CRPPA: variants seen among roughly 807,000 people sequenced by gnomAD.
CRPPA encodes the protein D-ribitol-5-phosphate cytidylyltransferase.
CRPPA carries 43 observed loss-of-function variants against 52.0 expected under a neutral mutation model. The observed-to-expected ratio is 0.83, with a 90% CI of 0.65 to 1.07. The LOEUF (loss-of-function observed/expected upper bound fraction) is 1.07. Ranked by LOEUF, CRPPA falls within the 50% of genes least tolerant of loss-of-function variation. The pLI, the probability that CRPPA is intolerant of heterozygous loss-of-function variation, is 0.00. For missense variants in CRPPA, 629 were observed against 551.7 expected (o/e 1.14, Z -1.40); for synonymous variants, 250 against 203.5 (o/e 1.23, Z -1.94).
At chr7:16,302,295 CAAAA>C (rs34666735) in intron 4 of CRPPA, among the ~76,000 whole-genome samples, 4 of 53,372 alleles carry the variant, frequency 7.5e-5, no homozygotes, top group South Asian at 2.4e-3. Flanking sequence ...GACTCTGTCT[CAAAA>C]AAAAAAAAAA....
chr7:16,411,368 G>A (rs1562691264), intron 1 of CRPPA, among the ~76,000 whole-genome samples: 1 of 152,044 alleles, frequency 6.6e-6, no homozygotes, highest in Non-Finnish European at 1.5e-5. Context: ...AAAAATCCAG[G>A]AGAGAAAAAA....
intron 8 of CRPPA, among the ~76,000 whole-genome samples, chr7:16,222,359 G>T (rs1234074366): frequency 6.7e-6 from 1 of 148,546 alleles, no homozygotes; most frequent in South Asian, 2.2e-4. Flanking sequence ...ACGAGTTAGT[G>T]GGTGCAGCGC....
intron 1 of CRPPA, among the ~76,000 whole-genome samples, chr7:16,412,057 T>C (rs2128319418): frequency 6.6e-6 from 1 of 152,334 alleles, no homozygotes; most frequent in East Asian, 1.9e-4. Context: ...CCAATTTTAC[T>C]AGATTGCCTT....
At chr7:16,290,106 G>T (rs1282570454) in intron 5 of CRPPA, among the ~76,000 whole-genome samples, 1 of 151,636 alleles carries the variant, frequency 6.6e-6, no homozygotes, top group South Asian at 2.1e-4. Context: ...GGAGGCAAAG[G>T]CCTCTACAAC....
intron 6 of CRPPA, chr7:16,268,773 T>G (rs1784019865): frequency 6.6e-6 from 1 of 152,192 alleles, no homozygotes. Context: ...TTAAAAATAT[T>G]GCTTATGGCT....
chr7:16,378,793 G>T (rs1364378270), intron 2 of CRPPA, among the ~76,000 whole-genome samples: 1 of 152,014 alleles, frequency 6.6e-6, no homozygotes, highest in Admixed American at 6.6e-5. Flanking sequence ...ACTTTTTAAT[G>T]ATTGCCATTC....
chr7:16,178,900 A>T (rs567125439), intron 9 of CRPPA, among the ~76,000 whole-genome samples: 2 of 152,220 alleles, frequency 1.3e-5, no homozygotes, highest in African/African-American at 4.8e-5. Flanking sequence ...TCATCGCTTC[A>T]GTATCAAACC....
chr7:16,217,700 G>T (rs1444521711), intron 8 of CRPPA, among the ~76,000 whole-genome samples: 1 of 141,814 alleles, frequency 7.1e-6, no homozygotes, highest in Non-Finnish European at 1.5e-5. Flanking sequence ...AGCAATGGAA[G>T]ATGAAATGAA....
intron 2 of CRPPA, among the ~76,000 whole-genome samples, chr7:16,394,566 C>A (rs910226035): frequency 6.6e-6 from 1 of 152,104 alleles, no homozygotes; most frequent in African/African-American, 2.4e-5. Context: ...GTAGTAGACA[C>A]AGAGGTATAC....
intron 9 of CRPPA, among the ~76,000 whole-genome samples, chr7:16,175,117 C>G (rs1781269024): frequency 6.6e-6 from 1 of 152,078 alleles, no homozygotes. Flanking sequence ...TTCTTAGAGG[C>G]AAAGTCTTAA....
chr7:16,118,280 C>T (rs1228246859), intron 9 of CRPPA, among the ~76,000 whole-genome samples: 1 of 152,116 alleles, frequency 6.6e-6, no homozygotes, highest in Non-Finnish European at 1.5e-5. Flanking sequence ...AAGATGGGGC[C>T]GACTTGTGTA....
intron 8 of CRPPA, among the ~76,000 whole-genome samples, chr7:16,249,557 G>T (rs968472045): frequency 1.3e-5 from 2 of 152,204 alleles, no homozygotes; most frequent in Non-Finnish European, 2.9e-5. Context: ...TTGCTGTTCT[G>T]CAGCCTCTGC....
In CRPPA at chr7:16,376,079, C is replaced by T. The variant is rs769816119; in HGVS notation, c.684+13G>A. ...ACATAACAGCAGCTTATTCAAAAAGCCCAAATTCTTACCTGCTGATATGCT... is the reference window on the plus strand; with the variant it reads ...ACATAACAGCAGCTTATTCAAAAAGTCCAAATTCTTACCTGCTGATATGCT... On this transcript the variant is annotated intron_variant, in intron 3 of 9. Transcript: ENST00000407010. The T allele has an allele frequency of 1.3e-6, 2 of 1,555,944 alleles. No homozygotes were observed. Among genetic ancestry groups the T allele is most frequent in the Non-Finnish European group, 1.7e-6 (2 of 1,151,860 alleles).
At chr7:16,197,891 C>T (rs1583422751) in intron 9 of CRPPA, among the ~76,000 whole-genome samples, 1 of 149,956 alleles carries the variant, frequency 6.7e-6, no homozygotes, top group South Asian at 2.1e-4. Context: ...GCTGTGTCAA[C>T]TCAGAGTTAA....
At chr7:16,136,982 A>G (rs1242920446) in intron 9 of CRPPA, among the ~76,000 whole-genome samples, 1 of 152,254 alleles carries the variant, frequency 6.6e-6, no homozygotes, top group Non-Finnish European at 1.5e-5. Flanking sequence ...AATCAAGGTC[A>G]TATTTCAGAA....
chr7:16,388,796 A>T (rs1787363049), intron 2 of CRPPA, among the ~76,000 whole-genome samples: 1 of 152,182 alleles, frequency 6.6e-6, no homozygotes, highest in African/African-American at 2.4e-5. Flanking sequence ...GAATCACTTG[A>T]ACCCAAGAGG....
Position 16,231,461 on chromosome 7 carries a change from C to T in CRPPA, c.1120-15264G>A, listed in dbSNP as rs1407058143. On this transcript the variant is annotated intron_variant, in intron 8 of 9. Coordinates refer to ENST00000407010, the MANE Select transcript of CRPPA (RefSeq NM_001101426.4). ...AGGGCTTGTCTAAACAAAAGCAGTG[C>T]TTATATATTATGATTTGTGGTCATA... Among the ~76,000 whole-genome samples the T allele has an allele frequency of 2.6e-5, 4 of 152,058 alleles. No homozygotes were observed. The East Asian group carries it at 5.8e-4, about 22-fold the overall frequency.
At chr7:16,378,370 T>C (rs1224401755) in intron 2 of CRPPA, among the ~76,000 whole-genome samples, 2 of 150,766 alleles carry the variant, frequency 1.3e-5, no homozygotes, top group Admixed American at 6.6e-5. Flanking sequence ...GTTTGGTTTT[T>C]TGTACTTGCG....
At position 16,254,781 on chromosome 7, in the gene CRPPA, GAAAGAAAGAAGGAAA is replaced by G. The variant is rs1562588502; in HGVS notation, c.1119+3594_1119+3608del. ...AGAAAGACAGACACACAGAAAGAAA[GAAAGAAAGAAGGAAA>G]GAAAGAAAGAAAGAAAGAAAGAAAG... On this transcript the variant is annotated intron_variant, in intron 8 of 9. Coordinates refer to ENST00000407010, the MANE Select transcript of CRPPA (RefSeq NM_001101426.4). 7.0e-5 allele frequency among the ~76,000 whole-genome samples: 9 copies of G among 128,384 alleles called. No individual in the cohort carries two copies. The East Asian group carries it at 2.1e-3, about 30-fold the overall frequency. 84.2% of individuals were successfully genotyped at this position (128,384 alleles called of 152,430 possible).
Sources: gnomAD v4.1 joint callset for allele counts (sites outside exome capture counted in the v4.1 genomes callset) on GRCh38, gnomAD v4.1.1 for gene constraint, MANE v1.5 for transcripts, NCBI Gene and HGNC (gene_info 2026-07-23, HGNC 2026-07-21) for gene names.